Variants in BMP2K observed in about 807,000 individuals in gnomAD.
BMP2K encodes the protein BMP-2-inducible protein kinase.
In BMP2K, 74 loss-of-function variants were observed where a neutral mutation model predicts 116.0. That is an observed-to-expected ratio of 0.64 (90% CI 0.53 to 0.77). The LOEUF (loss-of-function observed/expected upper bound fraction) is 0.77, where lower values mean the gene tolerates loss of function less well. Ranked by LOEUF, BMP2K falls within the 30% of genes least tolerant of loss-of-function variation. The pLI is 0.00. For missense variants in BMP2K, 1,365 were observed against 1,403.6 expected (o/e 0.97, Z 0.44); for synonymous variants, 486 against 502.5 (o/e 0.97, Z 0.44).
chr4:78,855,152 T>G (rs1450836499), intron 7 of BMP2K, among the ~76,000 whole-genome samples: 1 of 152,162 alleles, frequency 6.6e-6, no homozygotes, highest in Non-Finnish European at 1.5e-5. Flanking sequence ...CTATTAAATT[T>G]AGTTTCATTT....
intron 1 of BMP2K, among the ~76,000 whole-genome samples, chr4:78,796,237 G>A (rs948763425): frequency 1.3e-5 from 2 of 151,982 alleles, no homozygotes; most frequent in African/African-American, 4.8e-5. Flanking sequence ...TCCTTTGTAG[G>A]GACATGGATG....
rs74286894 is a variant in BMP2K, at chr4:78,873,762, G to T, written c.1793+964G>T. 9.0e-3 allele frequency among the ~76,000 whole-genome samples: 1,366 copies of T among 151,770 alleles called. 95 individuals carry two copies. In the East Asian group the frequency reaches 0.16, roughly 17 times the overall value. The stretch of plus-strand genomic sequence containing the variant: ...AGAGACAGATGGTGGGGCGGGTATG[G>T]TAGAGAGGGAGACAGAAACGAATGG... On this transcript the variant is annotated intron_variant, in intron 13 of 15. Coordinates refer to ENST00000502613, the MANE Select transcript of BMP2K (RefSeq NM_198892.2).
Position 78,912,001 on chromosome 4 carries a change from T to C in BMP2K, c.3454T>C (p.Phe1152Leu), listed in dbSNP as rs778223705. Residue 1152 changes from phenylalanine (F) to leucine (L), a missense_variant, in exon 16 of 16, where the codon TTT becomes CTT. Coordinates refer to ENST00000502613, the MANE Select transcript of BMP2K (RefSeq NM_198892.2). ...GTCCCAACCAGTCGAATTAGACCCATTTGGTGCTGCTCCATTTCCTTCTAA... is the reference window on the plus strand; with the variant it reads ...GTCCCAACCAGTCGAATTAGACCCACTTGGTGCTGCTCCATTTCCTTCTAA... ...QQSQPVELDPFGAAPFPSKQ is the reference protein window; with the variant it reads ...QQSQPVELDPLGAAPFPSKQ The C allele has an allele frequency of 6.2e-7, 1 of 1,613,172 alleles. No homozygotes were observed. Among genetic ancestry groups the C allele is most frequent in the South Asian group, 1.1e-5 (1 of 90,956 alleles).
At chr4:78,840,582 GTATATAATGTTTGATTTCCA>G (rs1449023891) in intron 3 of BMP2K, among the ~76,000 whole-genome samples, 1 of 152,122 alleles carries the variant, frequency 6.6e-6, no homozygotes, top group East Asian at 1.9e-4. Flanking sequence ...AAAACCTTCA[GTATATAATGTTTGATTTCCA>G]TATCTGACTT....
chr4:78,790,108 A>G (rs1727926282), intron 1 of BMP2K, among the ~76,000 whole-genome samples: 1 of 152,234 alleles, frequency 6.6e-6, no homozygotes, highest in Non-Finnish European at 1.5e-5. Context: ...AGTGATATAA[A>G]TTCCTATGAT....
At chr4:78,840,298 TA>T (rs1443444302) in intron 3 of BMP2K, among the ~76,000 whole-genome samples, 2 of 152,140 alleles carry the variant, frequency 1.3e-5, no homozygotes, top group Admixed American at 6.5e-5. Context: ...TTTATTTATT[TA>T]TTTTTTTGCA....
rs1384306722 is a variant in BMP2K, at chr4:78,913,274, T to A, written c.*1241T>A. The A allele has an allele frequency of 6.6e-6, 1 of 152,156 alleles. No individual in the cohort carries two copies. Among genetic ancestry groups the A allele is most frequent in the Non-Finnish European group, 1.5e-5 (1 of 68,002 alleles). 9.4% of individuals were successfully genotyped at this position (152,156 alleles called of 1,614,324 possible). On this transcript the variant is annotated 3_prime_UTR_variant, in exon 16 of 16. Transcript: ENST00000502613. Reference sequence around the variant, plus strand: ...ATCCTAAAATGCATATAAGGTGGACTAGCATCTTAATTCTGCTAGTTGATT... The same window carrying A: ...ATCCTAAAATGCATATAAGGTGGACAAGCATCTTAATTCTGCTAGTTGATT...
chr4:78,824,021 G>T (rs1425419171), intron 1 of BMP2K, among the ~76,000 whole-genome samples: 5 of 152,176 alleles, frequency 3.3e-5, no homozygotes, highest in African/African-American at 1.2e-4. Context: ...TTAGTGCTAA[G>T]TGAGTTTCTT....
chr4:78,858,141 CTATACGTT>C (rs1427220733), intron 7 of BMP2K, among the ~76,000 whole-genome samples: 3 of 151,856 alleles, frequency 2.0e-5, no homozygotes, highest in Non-Finnish European at 4.4e-5. Flanking sequence ...AAAAATAGGA[CTATACGTT>C]TGTGAATTAG....
At position 78,790,878 on chromosome 4, in the gene BMP2K, C is replaced by A. The variant is rs1030750192; in HGVS notation, c.178+14157C>A. ...TCTAAATAACAATAATAATAATAAT[C>A]ATAAAAATAATAAATTTTTAAAAAT... On this transcript the variant is annotated intron_variant, in intron 1 of 15. Transcript: ENST00000502613. 2.6e-5 allele frequency among the ~76,000 whole-genome samples: 4 copies of A among 151,976 alleles called. No individual in the cohort carries two copies. The East Asian group carries it at 7.7e-4, about 29-fold the overall frequency.
At chr4:78,857,716 A>G (rs1337315624) in intron 7 of BMP2K, among the ~76,000 whole-genome samples, 1 of 152,096 alleles carries the variant, frequency 6.6e-6, no homozygotes, top group African/African-American at 2.4e-5. Flanking sequence ...GCTATTCCTT[A>G]AGGATGTTGT....
intron 1 of BMP2K, among the ~76,000 whole-genome samples, chr4:78,805,950 G>A (rs1400299383): frequency 1.3e-5 from 2 of 152,032 alleles, no homozygotes; most frequent in Non-Finnish European, 1.5e-5. Flanking sequence ...TAGCCTGGGC[G>A]ACAGAGTGAG....
chr4:78,795,874 T>G (rs1320939474), intron 1 of BMP2K, among the ~76,000 whole-genome samples: 2 of 151,778 alleles, frequency 1.3e-5, no homozygotes, highest in African/African-American at 4.9e-5. Context: ...TGGCAATCAT[T>G]AAAAAGTCAG....
At chr4:78,870,692 G>GAAATTAATTATTATTATTATTATTATTA in intron 10 of BMP2K, 91 bp from the exon 11 acceptor site, 1 of 1,475,428 alleles carries the variant, frequency 6.8e-7, no homozygotes, top group Admixed American at 2.3e-5. Flanking sequence ...AAATGCCTTA[G>GAAATTAATTATTATTATTATTATTATTA]TTAAATTATT....
intron 12 of BMP2K, among the ~76,000 whole-genome samples, 190 bp downstream of exon 12, chr4:78,872,138 A>G (rs1732387795): frequency 1.3e-5 from 2 of 152,208 alleles, no homozygotes; most frequent in African/African-American, 2.4e-5. Context: ...TGAATATGGC[A>G]CATAGTAATT....
At chr4:78,885,579 A>G (rs1733036975) in intron 14 of BMP2K, among the ~76,000 whole-genome samples, 1 of 152,196 alleles carries the variant, frequency 6.6e-6, no homozygotes, top group South Asian at 2.1e-4. Context: ...TTCCAATTCT[A>G]CTTGGGTTCT....
chr4:78,836,549 A>C (rs1310697090), intron 3 of BMP2K, among the ~76,000 whole-genome samples: 1 of 152,234 alleles, frequency 6.6e-6, no homozygotes, highest in Non-Finnish European at 1.5e-5. Context: ...TTTGAACAGC[A>C]GTTAGCTGTC....
At chr4:78,879,171 T>C in intron 14 of BMP2K, 1 of 1,108,256 alleles carries the variant, frequency 9.0e-7, no homozygotes, top group Non-Finnish European at 1.1e-6. Flanking sequence ...TCAGAATATC[T>C]CTAAAACATG....
chr4:78,882,279 G>A (rs978789762), intron 14 of BMP2K, among the ~76,000 whole-genome samples: 8 of 151,476 alleles, frequency 5.3e-5, no homozygotes, highest in Admixed American at 1.3e-4. Context: ...CTAGGCAAAG[G>A]GATTTAATAT....
Sources: allele counts gnomAD v4.1 joint callset (sites outside exome capture counted in the v4.1 genomes callset), GRCh38; gene constraint gnomAD v4.1.1; transcripts MANE v1.5; gene names NCBI Gene and HGNC (gene_info 2026-07-23, HGNC 2026-07-21).